The following MSL2 variants were observed in gnomAD, a reference collection of about 807,000 sequenced individuals.
MSL2 encodes the protein MSL complex subunit 2.
MSL2 carries 2 observed loss-of-function variants against 35.8 expected under a neutral mutation model. The observed-to-expected ratio is 0.06, with a 90% CI of 0.02 to 0.18. The LOEUF (loss-of-function observed/expected upper bound fraction) is 0.18. Ranked by LOEUF, MSL2 falls within the 10% of genes least tolerant of loss-of-function variation. MSL2 has a pLI of 1.00. For synonymous variants in MSL2, 296 were observed against 255.7 expected (o/e 1.16, Z -1.50); for missense variants, 523 against 706.7 (o/e 0.74, Z 2.95).
rs763995056 is a variant in MSL2, at chr3:136,151,558, A to T, written c.1323T>A (p.His441Gln). 6.2e-7 allele frequency: 1 copy of T among 1,614,022 alleles called. No individual in the cohort carries two copies. Among genetic ancestry groups the T allele is most frequent in the African/African-American group, 1.3e-5 (1 of 74,916 alleles). ...DKAVKEKIPS[H>Q]HFMPGSPTKT... ...TGGTAGGACTTCCTGGCATAAAATG[A>T]TGACTAGGAATCTTTTCCTTTACTG... The change falls in exon 2 of 2, where the codon CAT becomes CAA. Residue 441 changes from histidine (H) to glutamine (Q), a missense_variant. Physicochemically the swap from His to Gln is conservative, Grantham distance 24. Coordinates refer to ENST00000309993, the MANE Select transcript of MSL2 (RefSeq NM_018133.4). The surrounding 1 kb of genome is among the most constrained non-coding windows in gnomAD (Gnocchi z 5.2).
chr3:136,152,756 G>C lies in MSL2; in HGVS notation c.143-18C>G. 6.2e-7 allele frequency: 1 copy of C among 1,600,170 alleles called. No individual in the cohort carries two copies. The highest frequency in any genetic ancestry group is 8.5e-7 in the Non-Finnish European group (1 of 1,172,932). On this transcript the variant is annotated intron_variant, in intron 1 of 1. Transcript: ENST00000309993. ...CAAATGTCCTAAGGGGGAGAAGGAG[G>C]AAAGCAAAGATTTTAGTAAAATAAA...
At chr3:136,169,798 G>A (rs1939968400) in intron 1 of MSL2, among the ~76,000 whole-genome samples, 1 of 151,750 alleles carries the variant, frequency 6.6e-6, no homozygotes, top group Non-Finnish European at 1.5e-5. Context: ...AACTGGCCAG[G>A]CACGCTCCAG....
intron 1 of MSL2, among the ~76,000 whole-genome samples, chr3:136,185,927 G>C (rs1940508693): frequency 6.6e-6 from 1 of 151,918 alleles, no homozygotes; most frequent in Non-Finnish European, 1.5e-5. Context: ...ATTACATACA[G>C]ACAAGGTAAC....
intron 1 of MSL2, among the ~76,000 whole-genome samples, chr3:136,154,242 G>A (rs915164582): frequency 3.9e-5 from 6 of 151,998 alleles, no homozygotes; most frequent in African/African-American, 1.4e-4. Flanking sequence ...CAAAACTAGG[G>A]TATAATACTG....
intron 1 of MSL2, among the ~76,000 whole-genome samples, chr3:136,191,145 G>C (rs1276462459): frequency 4.6e-5 from 7 of 152,156 alleles, no homozygotes; most frequent in Admixed American, 4.6e-4. Context: ...GCCAGACACT[G>C]AATCTGTAGA....
At chr3:136,158,423 T>TCA (rs746815345) in intron 1 of MSL2, among the ~76,000 whole-genome samples, 5 of 151,670 alleles carry the variant, frequency 3.3e-5, no homozygotes, top group Middle Eastern at 6.8e-3. Context: ...CAATACCTAT[T>TCA]CACACACACA....
rs1377543904 is a variant in MSL2, at chr3:136,151,250, C to T, written c.1631G>A (p.Ser544Asn). ...TGGGGACCCTGTGACATTTATTACACTGGTGCTGGTACTAGCGTTACGCAC... is the reference window on the plus strand; with the variant it reads ...TGGGGACCCTGTGACATTTATTACATTGGTGCTGGTACTAGCGTTACGCAC... Reference protein sequence around the residue: ...IAVRNASTSTSVINVTGSPVT... With the variant: ...IAVRNASTSTNVINVTGSPVT... Residue 544 changes from serine (S) to asparagine (N), a missense_variant, in exon 2 of 2, where the codon AGT becomes AAT. This residue lies in a region of MSL2 where 60 missense variants were observed against 75.1 expected (regional missense o/e 0.80). Transcript: ENST00000309993. The surrounding 1 kb of genome is among the most constrained non-coding windows in gnomAD (Gnocchi z 5.2). 6.2e-7 allele frequency: 1 copy of T among 1,614,108 alleles called. No homozygotes were observed. Among genetic ancestry groups the T allele is most frequent in the Non-Finnish European group, 8.5e-7 (1 of 1,180,050 alleles).
intron 1 of MSL2, among the ~76,000 whole-genome samples, chr3:136,179,762 T>A (rs545850933): frequency 2.2e-4 from 33 of 152,192 alleles, no homozygotes; most frequent in Non-Finnish European, 3.8e-4. Context: ...TGTTGACATA[T>A]CTACTTTAAA....
Position 136,152,955 on chromosome 3 carries a change from T to C in MSL2, c.143-217A>G, listed in dbSNP as rs552993001. 3.7e-5 allele frequency: 36 copies of C among 985,406 alleles called. No individual in the cohort carries two copies. The East Asian group carries it at 3.6e-3, about 99-fold the overall frequency. The allele number at this position is 985,406 out of a possible 1,614,324, so 61.0% of individuals were successfully genotyped here. ...CCCATTCAGTTATCTCAAACCAAAATCATCCTTGATTCTGTGTCTCTCTCC... is the reference window on the plus strand; with the variant it reads ...CCCATTCAGTTATCTCAAACCAAAACCATCCTTGATTCTGTGTCTCTCTCC... On this transcript the variant is annotated intron_variant, in intron 1 of 1. Transcript: ENST00000309993.
At chr3:136,174,534 A>G (rs1362436824) in intron 1 of MSL2, among the ~76,000 whole-genome samples, 1 of 152,270 alleles carries the variant, frequency 6.6e-6, no homozygotes, top group Non-Finnish European at 1.5e-5. Context: ...AAATAGGAAC[A>G]GGTACTGGCA....
intron 1 of MSL2, among the ~76,000 whole-genome samples, chr3:136,177,365 T>C (rs1212784236): frequency 1.3e-5 from 2 of 152,104 alleles, no homozygotes; most frequent in African/African-American, 4.8e-5. Flanking sequence ...ATGGCAGATG[T>C]GCCTTAGTCA....
At chr3:136,154,581 A>T (rs1190622781) in intron 1 of MSL2, among the ~76,000 whole-genome samples, 1 of 151,336 alleles carries the variant, frequency 6.6e-6, no homozygotes, top group Non-Finnish European at 1.5e-5. Flanking sequence ...AAAAAAAAAA[A>T]TGAGAAAAAT....
chr3:136,182,153 T>C (rs1235039665), intron 1 of MSL2, among the ~76,000 whole-genome samples: 2 of 152,184 alleles, frequency 1.3e-5, no homozygotes, highest in East Asian at 1.9e-4. Flanking sequence ...ATATCTGCAA[T>C]GTCCAATAAG....
chr3:136,157,772 G>A (rs964887215), intron 1 of MSL2, among the ~76,000 whole-genome samples: 2 of 152,160 alleles, frequency 1.3e-5, no homozygotes, highest in African/African-American at 2.4e-5. Flanking sequence ...TTTCTCTAAA[G>A]ACACAAATGA....
intron 1 of MSL2, 24 bp downstream of exon 1, chr3:136,194,948 A>C: frequency 6.2e-7 from 1 of 1,613,104 alleles, no homozygotes; most frequent in Non-Finnish European, 8.5e-7. Context: ...AGCATTGAAA[A>C]GGGAACAATA....
At chr3:136,194,891 C>A (rs1385645153) in intron 1 of MSL2, 81 bp downstream of exon 1, 2 of 1,587,364 alleles carry the variant, frequency 1.3e-6, no homozygotes, top group African/African-American at 2.7e-5. Context: ...AACCACCAGG[C>A]CGTCAACCCG....
intron 1 of MSL2, among the ~76,000 whole-genome samples, chr3:136,159,170 A>G (rs538637915): frequency 6.6e-6 from 1 of 152,252 alleles, no homozygotes; most frequent in South Asian, 2.1e-4. Flanking sequence ...CAGGACTTAC[A>G]CTACCAAATT....
chr3:136,193,468 ATAG>A (rs970830428), intron 1 of MSL2, among the ~76,000 whole-genome samples: 1 of 151,962 alleles, frequency 6.6e-6, no homozygotes, highest in African/African-American at 2.4e-5. Flanking sequence ...CTACCTCACC[ATAG>A]TAGCACCCTA....
At chr3:136,159,506 G>A (rs1474926680) in intron 1 of MSL2, among the ~76,000 whole-genome samples, 2 of 150,480 alleles carry the variant, frequency 1.3e-5, no homozygotes, top group East Asian at 3.9e-4. Flanking sequence ...TGGGACTACA[G>A]GCGCCCGCCA....
Sources: gnomAD v4.1 joint callset for allele counts (sites outside exome capture counted in the v4.1 genomes callset) on GRCh38, gnomAD v4.1.1 for gene constraint, gnomAD v4.1.1 regional missense constraint, Gnocchi (gnomAD v3.1) non-coding constraint, MANE v1.5 for transcripts, NCBI Gene and HGNC (gene_info 2026-07-23, HGNC 2026-07-21) for gene names.